SHROOM4: variants seen among roughly 807,000 people sequenced by gnomAD.
The protein encoded by SHROOM4 is shroom family member 4, also known as protein Shroom4.
In SHROOM4, 17 loss-of-function variants were observed where a neutral mutation model predicts 80.3. That is an observed-to-expected ratio of 0.21 (90% CI 0.14 to 0.32). SHROOM4 has a LOEUF of 0.32. Among genes scored for constraint, SHROOM4 ranks in the 10% least tolerant of loss-of-function variants. The pLI, the probability that SHROOM4 is intolerant of heterozygous loss-of-function variation, is 1.00. For missense variants in SHROOM4, 993 were observed against 1,140.3 expected (o/e 0.87, Z 1.86); for synonymous variants, 400 against 437.5 (o/e 0.91, Z 1.07).
At chrX:50,690,412 T>C (rs1474919063) in intron 2 of SHROOM4, among the ~76,000 whole-genome samples, 3 of 112,003 alleles carry the variant, frequency 2.7e-5, no homozygotes, top group African/African-American at 9.7e-5. Flanking sequence ...CTTGGTTTCA[T>C]ATTATATTGA....
intron 1 of SHROOM4, among the ~76,000 whole-genome samples, chrX:50,729,062 T>C: frequency 9.0e-6 from 1 of 111,678 alleles, no homozygotes. Flanking sequence ...ATATCATTGA[T>C]GTGGAAAAGA....
At chrX:50,711,076 C>T (rs141086879) in intron 1 of SHROOM4, among the ~76,000 whole-genome samples, 6,459 of 112,035 alleles carry the variant, frequency 0.058, 448 homozygotes, top group African/African-American at 0.2. Context: ...ACCTTAGTAA[C>T]ATTAAATTAA....
At position 50,633,491 on chromosome X, in the gene SHROOM4, A is replaced by C. The variant is rs1931162999; in HGVS notation, c.2582T>G (p.Phe861Cys). ...GGAATTTTCTAGACCTTTGCTTGCAAAACATTCTGAGTAAGTGGGAGTTTC... is the reference window on the plus strand; with the variant it reads ...GGAATTTTCTAGACCTTTGCTTGCACAACATTCTGAGTAAGTGGGAGTTTC... Reference protein sequence around the residue: ...QSETPTYSECFASKGLENSMC... With the variant: ...QSETPTYSECCASKGLENSMC... Residue 861 changes from phenylalanine (F) to cysteine (C), a missense_variant, in exon 4 of 9, where the codon TTT becomes TGT. Transcript: ENST00000376020. 8.3e-7 allele frequency: 1 copy of C among 1,211,791 alleles called. No individual in the cohort carries two copies. Among genetic ancestry groups the C allele is most frequent in the Non-Finnish European group, 1.1e-6 (1 of 895,567 alleles).
intron 5 of SHROOM4, among the ~76,000 whole-genome samples, chrX:50,624,458 C>T (rs1264552965): frequency 9.0e-6 from 1 of 111,078 alleles, no homozygotes; most frequent in African/African-American, 3.3e-5. Flanking sequence ...CCTTGAAAGA[C>T]TCAACTTGTA....
intron 1 of SHROOM4, among the ~76,000 whole-genome samples, chrX:50,696,266 A>G (rs1468981639): frequency 1.8e-5 from 2 of 111,942 alleles, no homozygotes; most frequent in African/African-American, 3.2e-5. Flanking sequence ...GGCCTACCAA[A>G]ACGTGCAGAC....
intron 1 of SHROOM4, among the ~76,000 whole-genome samples, chrX:50,779,009 G>A (rs1490074478): frequency 3.6e-5 from 4 of 112,021 alleles, no homozygotes; most frequent in Non-Finnish European, 7.5e-5. Context: ...ACAGCATCTG[G>A]CCGAGTTACC....
chrX:50,661,986 C>A (rs1350596137), intron 2 of SHROOM4, among the ~76,000 whole-genome samples: 2 of 109,995 alleles, frequency 1.8e-5, no homozygotes, highest in African/African-American at 3.3e-5. Flanking sequence ...AAATTCAGTC[C>A]CCACACCCGC....
rs1557247080 is a variant in SHROOM4 at position 50,598,481 on chromosome X, G to A, written c.3997C>T (p.Arg1333Ter). The A allele has an allele frequency of 8.3e-7, 1 of 1,207,454 alleles. No individual in the cohort carries two copies. Among genetic ancestry groups the A allele is most frequent in the Non-Finnish European group, 1.1e-6 (1 of 893,273 alleles). The change falls in exon 8 of 9, where the codon CGA becomes TGA. Residue 1333 changes from arginine (R) to a stop codon, truncating the protein, a stop_gained. Coordinates refer to ENST00000376020, the MANE Select transcript of SHROOM4 (RefSeq NM_020717.5). LOFTEE classifies it high-confidence loss of function. Reference sequence around the variant, plus strand: ...GCATTGATGTCCTCTAGCAGCCCTCGCTGGGCCTCCCGCAAGACAGAAAGT... The same window carrying A: ...GCATTGATGTCCTCTAGCAGCCCTCACTGGGCCTCCCGCAAGACAGAAAGT... ...RKLSVLREAQ[R>*]GLLEDINANS...
At position 50,633,992 on chromosome X, in the gene SHROOM4, G is replaced by A; in HGVS notation, c.2081C>T (p.Ser694Phe). 8.3e-7 allele frequency: 1 copy of A among 1,211,724 alleles called. No homozygotes were observed. Residue 694 changes from serine to phenylalanine, a missense_variant, in exon 4 of 9, where the codon TCC becomes TTC. Coordinates refer to ENST00000376020, the MANE Select transcript of SHROOM4 (RefSeq NM_020717.5). ...CCACCAGGTGTTCAGGCCCAAAGAG[G>A]ACTGGCCAGGCCTCTGGCCAGGGCT... ...RISPGQRPGQ[S>F]SLGLNTWWKA...
chrX:50,617,831 A>G (rs1930315122), intron 5 of SHROOM4, among the ~76,000 whole-genome samples: 1 of 111,093 alleles, frequency 9.0e-6, no homozygotes, highest in Non-Finnish European at 1.9e-5. Flanking sequence ...GTGTTGGGGC[A>G]GCCTGAGACT....
chrX:50,631,431 A>G (rs1557254097), intron 4 of SHROOM4, among the ~76,000 whole-genome samples: 2 of 112,066 alleles, frequency 1.8e-5, no homozygotes, highest in Non-Finnish European at 3.8e-5. Flanking sequence ...TACAGCTAAC[A>G]TCAAACTTTA....
At chrX:50,717,852 T>C (rs1477451091) in intron 1 of SHROOM4, among the ~76,000 whole-genome samples, 1 of 112,005 alleles carries the variant, frequency 8.9e-6, no homozygotes, top group Non-Finnish European at 1.9e-5. Flanking sequence ...ATTCATTGTG[T>C]GGCTGAGATG....
intron 1 of SHROOM4, among the ~76,000 whole-genome samples, chrX:50,782,716 T>C (rs1276753182): frequency 2.7e-5 from 3 of 112,206 alleles, no homozygotes; most frequent in Non-Finnish European, 5.6e-5. Flanking sequence ...ACAATGTGGA[T>C]GAATCTTAAG....
intron 2 of SHROOM4, among the ~76,000 whole-genome samples, chrX:50,664,375 C>T (rs1932622062): frequency 8.9e-6 from 1 of 111,770 alleles, no homozygotes; most frequent in Non-Finnish European, 1.9e-5. Context: ...TATGAAAATT[C>T]TAATTAAGAA....
chrX:50,618,279 C>T (rs1236087758), intron 5 of SHROOM4, among the ~76,000 whole-genome samples: 4 of 74 alleles, frequency 0.054, no homozygotes, highest in Non-Finnish European at 0.22. Flanking sequence ...CTTCTCTTCC[C>T]CTTCCTTCCT....
intron 2 of SHROOM4, among the ~76,000 whole-genome samples, chrX:50,660,996 T>C (rs1932490989): frequency 1.8e-5 from 2 of 111,003 alleles, no homozygotes; most frequent in South Asian, 7.7e-4. Flanking sequence ...CTTTTTTGAA[T>C]GGTTTGTTGG....
intron 6 of SHROOM4, among the ~76,000 whole-genome samples, chrX:50,603,892 G>A (rs905020527): frequency 8.9e-6 from 1 of 111,774 alleles, no homozygotes; most frequent in Non-Finnish European, 1.9e-5. Flanking sequence ...GTTTATGCTA[G>A]GGGGTGGCCC....
intron 2 of SHROOM4, among the ~76,000 whole-genome samples, chrX:50,650,957 G>A (rs985140178): frequency 1.1e-4 from 12 of 111,671 alleles, no homozygotes; most frequent in Admixed American, 1.9e-4. Context: ...TATTAGCACT[G>A]GGAGCTATTC....
In SHROOM4 at chrX:50,635,641, G is replaced by C. The variant is rs200727948; in HGVS notation, c.432C>G (p.Leu144=). 8.3e-6 allele frequency: 10 copies of C among 1,206,844 alleles called. No individual in the cohort carries two copies. Among genetic ancestry groups the C allele is most frequent in the Non-Finnish European group, 1.1e-5 (10 of 894,521 alleles). The change falls in exon 4 of 9, where the codon CTC becomes CTG. Residue 144 remains leucine, a synonymous_variant. Coordinates refer to ENST00000376020, the MANE Select transcript of SHROOM4 (RefSeq NM_020717.5). ...TSDVCVQWCP[L]SRHCSTEKSS... ...TTTTCTCGGTGCTGCAATGCCGGGAGAGTGGACACCACTGCACACACACGT... is the reference window on the plus strand; with the variant it reads ...TTTTCTCGGTGCTGCAATGCCGGGACAGTGGACACCACTGCACACACACGT...
Sources: allele counts gnomAD v4.1 joint callset (sites outside exome capture counted in the v4.1 genomes callset), GRCh38; gene constraint gnomAD v4.1.1; transcripts MANE v1.5; gene names NCBI Gene and HGNC (gene_info 2026-07-23, HGNC 2026-07-21).